LUZP2: variants seen among roughly 807,000 people sequenced by gnomAD.
LUZP2 encodes the protein leucine zipper protein 2.
In LUZP2, 52 loss-of-function variants were observed where a neutral mutation model predicts 51.6. The observed-to-expected ratio is 1.01, with a 90% CI of 0.81 to 1.27. LUZP2 has a LOEUF of 1.27. Among genes scored for constraint, LUZP2 ranks in the 50% most tolerant of loss-of-function variants. The pLI is 0.00. For missense variants in LUZP2, 436 were observed against 395.4 expected (o/e 1.10, Z -0.87); for synonymous variants, 154 against 137.3 (o/e 1.12, Z -0.85).
intron 1 of LUZP2, among the ~76,000 whole-genome samples, chr11:24,610,281 G>A (rs1288511700): frequency 6.6e-6 from 1 of 152,132 alleles, no homozygotes; most frequent in Non-Finnish European, 1.5e-5. Context: ...AGTTGCTATA[G>A]TAAATTATTT....
intron 7 of LUZP2, among the ~76,000 whole-genome samples, chr11:24,930,991 A>T (rs1275323895): frequency 6.6e-6 from 1 of 152,060 alleles, no homozygotes; most frequent in Non-Finnish European, 1.5e-5. Context: ...AGGTGGGTGG[A>T]TCACGAGGTC....
intron 9 of LUZP2, among the ~76,000 whole-genome samples, chr11:25,009,215 A>G (rs913292770): frequency 3.3e-5 from 5 of 152,192 alleles, no homozygotes; most frequent in South Asian, 2.1e-4. Context: ...ATAGCTCATC[A>G]TAATTCATTT....
intron 7 of LUZP2, among the ~76,000 whole-genome samples, chr11:24,964,524 A>G (rs998863208): frequency 1.1e-4 from 17 of 152,148 alleles, no homozygotes. Flanking sequence ...AGGATTTTAA[A>G]AGATGCATAT....
rs542265756 is a variant in LUZP2, at chr11:25,070,345, G to A, written c.859-6984G>A. On this transcript the variant is annotated intron_variant, in intron 10 of 11. Transcript: ENST00000336930. ...TCAAAAAATGTGGAGCCAGTAAATA[G>A]ACTACATTTTAATAATCAAAGCAAA... Among the ~76,000 whole-genome samples the A allele has an allele frequency of 2.6e-5, 4 of 151,984 alleles. No individual in the cohort carries two copies. The South Asian group carries it at 8.3e-4, about 32-fold the overall frequency.
chr11:24,677,757 G>C (rs912047054), intron 1 of LUZP2, among the ~76,000 whole-genome samples: 2 of 152,078 alleles, frequency 1.3e-5, no homozygotes, highest in Non-Finnish European at 2.9e-5. Context: ...AATAGAGAAA[G>C]ACAGAGAGAG....
chr11:24,941,892 TA>T (rs925608401), intron 7 of LUZP2, among the ~76,000 whole-genome samples: 16 of 149,218 alleles, frequency 1.1e-4, no homozygotes, highest in Non-Finnish European at 1.5e-4. Context: ...TGCCATCATT[TA>T]AAAAAAAAAC....
At chr11:24,865,782 G>A (rs78149453) in intron 5 of LUZP2, among the ~76,000 whole-genome samples, 1 of 152 alleles carries the variant, frequency 6.6e-3, no homozygotes. Context: ...GCATGTATAT[G>A]TGTGTGTGTG....
intron 7 of LUZP2, among the ~76,000 whole-genome samples, chr11:24,936,108 C>T (rs996077558): frequency 2.6e-5 from 4 of 151,988 alleles, no homozygotes; most frequent in Admixed American, 1.3e-4. Flanking sequence ...TTACCTTTTA[C>T]GATATTGAAT....
intron 5 of LUZP2, among the ~76,000 whole-genome samples, chr11:24,848,931 A>G (rs887238801): frequency 6.6e-6 from 1 of 152,114 alleles, no homozygotes; most frequent in Non-Finnish European, 1.5e-5. Context: ...GAAAGAGCAT[A>G]CCTCAAAATA....
At chr11:24,991,338 A>ATATG (rs375847955) in intron 9 of LUZP2, among the ~76,000 whole-genome samples, 1 of 123,298 alleles carries the variant, frequency 8.1e-6, no homozygotes, top group Non-Finnish European at 1.7e-5. Flanking sequence ...CATCATATAT[A>ATATG]TGTGTGTGTG....
At chr11:24,525,219 A>C (rs1025477739) in intron 1 of LUZP2, among the ~76,000 whole-genome samples, 2 of 151,476 alleles carry the variant, frequency 1.3e-5, no homozygotes, top group African/African-American at 4.8e-5. Flanking sequence ...TTTTCCCTAT[A>C]TTTATTTTTT....
Position 25,044,253 on chromosome 11 carries a change from GTGTGTATATATA to G in LUZP2, c.766-5783_766-5772del, listed in dbSNP as rs1263402442. On this transcript the variant is annotated intron_variant, in intron 9 of 11. Transcript: ENST00000336930. ...TATGTGTATGTGTGTGTGTGTGTGT[GTGTGTATATATA>G]TATATATATATATATATATATATAT... Among the ~76,000 whole-genome samples, 5 of 31,802 alleles carry G rather than the reference GTGTGTATATATA, an allele frequency of 1.6e-4. 1 individual carries two copies. The highest frequency in any genetic ancestry group is 2.5e-3 in the South Asian group (2 of 800). 20.9% of individuals were successfully genotyped at this position (31,802 alleles called of 152,430 possible).
At chr11:24,663,246 T>C (rs1467887304) in intron 1 of LUZP2, among the ~76,000 whole-genome samples, 1 of 152,096 alleles carries the variant, frequency 6.6e-6, no homozygotes, top group Admixed American at 6.5e-5. Flanking sequence ...CTTGATGTTC[T>C]TGTGATAGTG....
intron 5 of LUZP2, among the ~76,000 whole-genome samples, chr11:24,856,462 T>A (rs1029077068): frequency 6.6e-6 from 1 of 152,060 alleles, no homozygotes; most frequent in African/African-American, 2.4e-5. Context: ...GAAAAGATAA[T>A]GCTTATATGC....
intron 1 of LUZP2, among the ~76,000 whole-genome samples, chr11:24,579,188 T>C (rs1237001330): frequency 1.3e-5 from 2 of 152,124 alleles, no homozygotes; most frequent in East Asian, 1.9e-4. Flanking sequence ...ACAGAGCATA[T>C]AGAATATTTT....
At chr11:24,740,990 A>C (rs1859117447) in intron 4 of LUZP2, among the ~76,000 whole-genome samples, 1 of 152,076 alleles carries the variant, frequency 6.6e-6, no homozygotes, top group Non-Finnish European at 1.5e-5. Flanking sequence ...TAACCATTTA[A>C]AACCTTTGTT....
chr11:25,027,713 T>G (rs947971482), intron 9 of LUZP2, among the ~76,000 whole-genome samples: 2 of 151,662 alleles, frequency 1.3e-5, no homozygotes, highest in African/African-American at 2.4e-5. Flanking sequence ...CTACTAAAAA[T>G]AAAAAAATTA....
intron 10 of LUZP2, among the ~76,000 whole-genome samples, chr11:25,055,293 G>A (rs560260531): frequency 1.3e-5 from 2 of 152,218 alleles, no homozygotes; most frequent in South Asian, 2.1e-4. Flanking sequence ...ACAGGCGTAA[G>A]CCACTGTGCC....
Position 24,709,628 on chromosome 11 carries a change from T to C in LUZP2, c.63-19541T>C, listed in dbSNP as rs77750995. ...ATTTTCCAGGAATAATTAGAAGAAC[T>C]CTTTTTGGATATAAACTTTATTTGC... On this transcript the variant is annotated intron_variant, in intron 1 of 11. Transcript: ENST00000336930. Among the ~76,000 whole-genome samples the C allele has an allele frequency of 8.8e-3, 1,334 of 152,296 alleles. 22 individuals carry two copies. Among genetic ancestry groups the C allele is most frequent in the African/African-American group, 0.029 (1,201 of 41,566 alleles).
Sources: allele counts gnomAD v4.1 joint callset (sites outside exome capture counted in the v4.1 genomes callset), GRCh38; gene constraint gnomAD v4.1.1; transcripts MANE v1.5; gene names NCBI Gene and HGNC (gene_info 2026-07-23, HGNC 2026-07-21).